SPAG16: variants seen among roughly 807,000 people sequenced by gnomAD.
SPAG16 encodes sperm associated antigen 16.
A neutral mutation model predicts 80.4 loss-of-function variants in SPAG16; 86 were observed. The ratio of observed to expected loss-of-function variants is 1.07; its 90% CI spans 0.90 to 1.28. SPAG16 has a LOEUF of 1.28. Among genes scored for constraint, SPAG16 ranks in the 50% most tolerant of loss-of-function variants. The probability of loss-of-function intolerance (pLI) is 0.00; values close to 1 mark genes in which losing one functional copy is unlikely to be tolerated. For missense variants in SPAG16, 870 were observed against 765.3 expected (o/e 1.14, Z -1.61); for synonymous variants, 294 against 265.9 (o/e 1.11, Z -1.03).
intron 10 of SPAG16, among the ~76,000 whole-genome samples, chr2:213,860,458 TAC>T (rs1377397963): frequency 8.4e-6 from 1 of 118,508 alleles, no homozygotes; most frequent in South Asian, 3.0e-4. Flanking sequence ...TGTATATATA[TAC>T]AGATATATCT....
Position 213,510,111 on chromosome 2 carries a change from T to A in SPAG16, c.1070+20021T>A, listed in dbSNP as rs149245541. ...TGAGATTTATCCTGGATAAATGATT[T>A]TTACTAGGCCCTGGAAAATTTAGAC... is the stretch of plus-strand genomic sequence containing the variant. On this transcript the variant is annotated intron_variant, in intron 10 of 15. Transcript: ENST00000331683. Among the ~76,000 whole-genome samples, 71 of 152,234 alleles carry A rather than the reference T, an allele frequency of 4.7e-4. 1 individual carries two copies. Among genetic ancestry groups the A allele is most frequent in the Middle Eastern group, 3.4e-3 (1 of 294 alleles).
At chr2:213,731,155 T>TG (rs2067015810) in intron 10 of SPAG16, among the ~76,000 whole-genome samples, 1 of 32,108 alleles carries the variant, frequency 3.1e-5, no homozygotes, top group Non-Finnish European at 8.0e-5. Flanking sequence ...ATATCTGAGT[T>TG]TTTTTTTTTT....
chr2:213,435,460 C>T (rs1002060096), intron 9 of SPAG16, among the ~76,000 whole-genome samples: 10 of 152,044 alleles, frequency 6.6e-5, no homozygotes, highest in East Asian at 1.9e-4. Flanking sequence ...TTACTGGTTA[C>T]GCTGAAAGGC....
At chr2:213,678,445 C>T (rs993662839) in intron 10 of SPAG16, among the ~76,000 whole-genome samples, 4 of 151,940 alleles carry the variant, frequency 2.6e-5, no homozygotes, top group Admixed American at 6.6e-5. Context: ...ATATCACCAC[C>T]GATCCCACAG....
At chr2:214,012,621 T>A (rs924768478) in intron 12 of SPAG16, among the ~76,000 whole-genome samples, 1 of 151,976 alleles carries the variant, frequency 6.6e-6, no homozygotes, top group Non-Finnish European at 1.5e-5. Context: ...ATATTAGGAA[T>A]GCATTTATAT....
intron 10 of SPAG16, among the ~76,000 whole-genome samples, chr2:213,796,078 T>G (rs1190508539): frequency 1.3e-5 from 2 of 152,148 alleles, no homozygotes; most frequent in African/African-American, 4.8e-5. Context: ...AAACATCTAA[T>G]CTATTCAACT....
chr2:214,180,031 G>A (rs776254504), intron 15 of SPAG16, among the ~76,000 whole-genome samples: 7 of 151,422 alleles, frequency 4.6e-5, no homozygotes, highest in East Asian at 3.9e-4. Context: ...GGGTATATGC[G>A]AAATTACACA....
intron 12 of SPAG16, among the ~76,000 whole-genome samples, chr2:213,994,154 C>G (rs1436860113): frequency 6.6e-6 from 1 of 151,894 alleles, no homozygotes; most frequent in Non-Finnish European, 1.5e-5. Flanking sequence ...TTCTTACAGA[C>G]AGTAGTTTTC....
At chr2:213,865,185 A>C (rs545085317) in intron 11 of SPAG16, among the ~76,000 whole-genome samples, 1 of 152,142 alleles carries the variant, frequency 6.6e-6, no homozygotes, top group South Asian at 2.1e-4. Flanking sequence ...AAATTTTTTG[A>C]GTTCATTTAT....
intron 10 of SPAG16, among the ~76,000 whole-genome samples, chr2:213,511,184 A>G (rs2075211466): frequency 1.3e-5 from 2 of 152,172 alleles, no homozygotes; most frequent in Admixed American, 1.3e-4. Context: ...ATTGACTGAC[A>G]TTCAGACTGA....
At chr2:213,535,483 T>G (rs2076211633) in intron 10 of SPAG16, among the ~76,000 whole-genome samples, 1 of 152,148 alleles carries the variant, frequency 6.6e-6, no homozygotes, top group Admixed American at 6.5e-5. Context: ...GCATTTATGC[T>G]AAGTGCATAC....
At chr2:214,089,769 A>C (rs1039830154) in intron 13 of SPAG16, among the ~76,000 whole-genome samples, 7 of 152,046 alleles carry the variant, frequency 4.6e-5, no homozygotes, top group Non-Finnish European at 8.8e-5. Flanking sequence ...AAGAAATTCC[A>C]TCCAGTTCTT....
intron 10 of SPAG16, among the ~76,000 whole-genome samples, chr2:213,714,951 G>A (rs915642751): frequency 2.0e-5 from 3 of 152,134 alleles, no homozygotes; most frequent in African/African-American, 4.8e-5. Flanking sequence ...TTGCTTCTAC[G>A]GCTATAATTC....
chr2:214,326,350 G>A (rs2126002650), intron 15 of SPAG16, among the ~76,000 whole-genome samples: 1 of 152,292 alleles, frequency 6.6e-6, no homozygotes, highest in South Asian at 2.1e-4. Context: ...CTCCCCTAGA[G>A]CCTCTGAAGG....
At chr2:213,669,807 G>T (rs918621670) in intron 10 of SPAG16, among the ~76,000 whole-genome samples, 2 of 152,028 alleles carry the variant, frequency 1.3e-5, no homozygotes, top group African/African-American at 4.8e-5. Flanking sequence ...TTTCTCACCT[G>T]CTTCCACTCG....
chr2:213,391,062 G>A (rs2067723106), intron 9 of SPAG16, among the ~76,000 whole-genome samples: 1 of 152,100 alleles, frequency 6.6e-6, no homozygotes, highest in Admixed American at 6.5e-5. Context: ...GAAATCAGGA[G>A]TTCAAGACCA....
chr2:214,150,522 T>C (rs1176754370), intron 15 of SPAG16, among the ~76,000 whole-genome samples: 1 of 152,116 alleles, frequency 6.6e-6, no homozygotes, highest in East Asian at 1.9e-4. Flanking sequence ...GTTTTTGGCA[T>C]ATATAATCTA....
intron 9 of SPAG16, among the ~76,000 whole-genome samples, chr2:213,461,004 C>T (rs1195895509): frequency 6.6e-6 from 1 of 152,124 alleles, no homozygotes; most frequent in Non-Finnish European, 1.5e-5. Flanking sequence ...CCATTTCTAC[C>T]TCAGAAGAAT....
At chr2:214,125,168 G>A (rs550665627) in intron 14 of SPAG16, among the ~76,000 whole-genome samples, 2 of 151,488 alleles carry the variant, frequency 1.3e-5, no homozygotes, top group East Asian at 3.9e-4. Context: ...CACCTGAGCT[G>A]GAGAAAGTTA....
Sources: gnomAD v4.1 joint callset for allele counts (sites outside exome capture counted in the v4.1 genomes callset) on GRCh38, gnomAD v4.1.1 for gene constraint, MANE v1.5 for transcripts, NCBI Gene and HGNC (gene_info 2026-07-23, HGNC 2026-07-21) for gene names.